Variants in TM9SF2 observed in about 807,000 individuals in gnomAD.
TM9SF2 encodes transmembrane 9 superfamily member 2.
A neutral mutation model predicts 84.9 loss-of-function variants in TM9SF2; 13 were observed. That is an observed-to-expected ratio of 0.15 (90% CI 0.10 to 0.24). The LOEUF (loss-of-function observed/expected upper bound fraction) is 0.24, where lower values mean the gene tolerates loss of function less well. TM9SF2 is among the 10% of genes least tolerant of loss of function. The pLI is 1.00. For missense variants in TM9SF2, 562 were observed against 818.5 expected (o/e 0.69, Z 3.82); for synonymous variants, 273 against 285.8 (o/e 0.96, Z 0.45).
At position 99,536,228 on chromosome 13, in the gene TM9SF2, C is replaced by G. The variant is rs9554605; in HGVS notation, c.462-380C>G. On this transcript the variant is annotated intron_variant, in intron 4 of 16. Transcript: ENST00000376387. ...AATAGTATTGTTAAATTAGCAATTA[C>G]AATAAATTAGTTTATAAAACTCTTT... 0.051 allele frequency among the ~76,000 whole-genome samples: 7,681 copies of G among 151,242 alleles called. 965 individuals carry two copies. The East Asian group carries it at 0.51, about 10-fold the overall frequency.
At chr13:99,506,453 G>C (rs886992909) in intron 1 of TM9SF2, among the ~76,000 whole-genome samples, 2 of 152,312 alleles carry the variant, frequency 1.3e-5, no homozygotes, top group Admixed American at 6.5e-5. Context: ...GGCACTGGAA[G>C]GACTTACTTT....
intron 1 of TM9SF2, among the ~76,000 whole-genome samples, chr13:99,502,383 G>T (rs1472585640): frequency 6.6e-6 from 1 of 152,198 alleles, no homozygotes; most frequent in African/African-American, 2.4e-5. Context: ...CACACAAAGT[G>T]CATTAATAAA....
rs755649842 is a variant in TM9SF2, at chr13:99,536,710, C to G, written c.564C>G (p.Gly188=). The G allele has an allele frequency of 6.2e-7, 1 of 1,613,606 alleles. No homozygotes were observed. Among genetic ancestry groups the G allele is most frequent in the South Asian group, 1.1e-5 (1 of 91,066 alleles). Residue 188 remains glycine (G), a synonymous_variant, in exon 5 of 17, where the codon GGC becomes GGG. Coordinates refer to ENST00000376387, the MANE Select transcript of TM9SF2 (RefSeq NM_004800.3). ...FPIGCYITDK[G]HAKDACVISS... ...TTGGCTGTTACATTACAGATAAAGG[C>G]CATGCAAAAGATGCCTGTGTTATTA... is the stretch of plus-strand genomic sequence containing the variant.
chr13:99,559,302 T>G (rs1485705144), intron 15 of TM9SF2, 61 bp from the exon 16 acceptor site: 10 of 1,416,952 alleles, frequency 7.1e-6, no homozygotes, highest in Non-Finnish European at 2.8e-6. Flanking sequence ...TGAACCTTAG[T>G]AAGCTACATC....
intron 3 of TM9SF2, among the ~76,000 whole-genome samples, chr13:99,526,190 G>A (rs949506364): frequency 3.5e-4 from 53 of 152,358 alleles, no homozygotes; most frequent in Admixed American, 1.4e-3. Flanking sequence ...AGCTAATAGA[G>A]CAGGAGTGTG....
chr13:99,546,180 G>A (rs77162016), intron 10 of TM9SF2, among the ~76,000 whole-genome samples: 2,202 of 152,148 alleles, frequency 0.014, 55 homozygotes, highest in African/African-American at 0.05. Flanking sequence ...GCTCACATAC[G>A]TGCTTGGTCA....
At chr13:99,559,131 A>G (rs1352839879) in intron 15 of TM9SF2, among the ~76,000 whole-genome samples, 1 of 152,206 alleles carries the variant, frequency 6.6e-6, no homozygotes, top group Non-Finnish European at 1.5e-5. Flanking sequence ...AGCTGCTTCC[A>G]CACATTTTTA....
intron 1 of TM9SF2, among the ~76,000 whole-genome samples, chr13:99,510,774 G>A (rs1193407992): frequency 6.6e-6 from 1 of 152,112 alleles, no homozygotes; most frequent in Non-Finnish European, 1.5e-5. Flanking sequence ...ATTTAGACAA[G>A]GACATATATT....
chr13:99,532,201 G>C (rs1339255284), intron 4 of TM9SF2, among the ~76,000 whole-genome samples: 1 of 151,642 alleles, frequency 6.6e-6, no homozygotes, highest in Admixed American at 6.6e-5. Flanking sequence ...ACAGGCGCCC[G>C]CCACCATGCC....
intron 10 of TM9SF2, among the ~76,000 whole-genome samples, chr13:99,545,706 A>G (rs1320268487): frequency 6.6e-6 from 1 of 152,024 alleles, no homozygotes; most frequent in Non-Finnish European, 1.5e-5. Context: ...AGCTGGGATT[A>G]CAGGCGCCTG....
chr13:99,511,351 G>A (rs1238280755), intron 1 of TM9SF2, among the ~76,000 whole-genome samples: 1 of 152,118 alleles, frequency 6.6e-6, no homozygotes, highest in Non-Finnish European at 1.5e-5. Context: ...GGTTCAGCTT[G>A]AAGCTCTTTA....
At chr13:99,541,924 C>T (rs903804185) in intron 9 of TM9SF2, among the ~76,000 whole-genome samples, 9 of 151,990 alleles carry the variant, frequency 5.9e-5, no homozygotes, top group Admixed American at 3.3e-4. Context: ...CCGGGGTGGG[C>T]GGATCACCTG....
chr13:99,554,192 C>A, intron 13 of TM9SF2, 112 bp from the exon 14 acceptor site: 1 of 1,266,076 alleles, frequency 7.9e-7, no homozygotes, highest in Non-Finnish European at 1.1e-6. Context: ...GACTTTATTG[C>A]CATTAGTGAC....
chr13:99,560,434 G>A (rs2046340185), intron 16 of TM9SF2, among the ~76,000 whole-genome samples: 1 of 152,056 alleles, frequency 6.6e-6, no homozygotes, highest in Non-Finnish European at 1.5e-5. Flanking sequence ...GCGTGTCTTG[G>A]TGCTACGTGA....
chr13:99,522,201 C>T (rs1052099875), intron 3 of TM9SF2, among the ~76,000 whole-genome samples: 2 of 151,914 alleles, frequency 1.3e-5, no homozygotes, highest in South Asian at 4.2e-4. Context: ...TTGTATTTTT[C>T]GTAGAGATGG....
chr13:99,552,728 C>T (rs577527822), intron 13 of TM9SF2, among the ~76,000 whole-genome samples: 4 of 152,284 alleles, frequency 2.6e-5, no homozygotes, highest in East Asian at 3.9e-4. Context: ...CTCAGCCTCC[C>T]GAGTAGCTGG....
chr13:99,509,221 C>T (rs1307184495), intron 1 of TM9SF2, among the ~76,000 whole-genome samples: 1 of 152,216 alleles, frequency 6.6e-6, no homozygotes, highest in Non-Finnish European at 1.5e-5. Flanking sequence ...TTGTTCAGTG[C>T]CTGTAGCTTT....
chr13:99,529,628 T>A (rs751173500), intron 4 of TM9SF2, 34 bp downstream of exon 4: 2 of 1,483,382 alleles, frequency 1.3e-6, no homozygotes, highest in Non-Finnish European at 1.8e-6. Flanking sequence ...TTGGGGTTTA[T>A]CCTTTCCATA....
chr13:99,542,087 G>A (rs1448716486), intron 9 of TM9SF2, among the ~76,000 whole-genome samples: 1 of 151,384 alleles, frequency 6.6e-6, no homozygotes, highest in African/African-American at 2.4e-5. Flanking sequence ...GGAGGCGGAG[G>A]CTGCAGTGAG....
Sources: allele counts gnomAD v4.1 joint callset (sites outside exome capture counted in the v4.1 genomes callset), GRCh38; gene constraint gnomAD v4.1.1; transcripts MANE v1.5; gene names NCBI Gene and HGNC (gene_info 2026-07-23, HGNC 2026-07-21).